CTNNA2: variants seen among roughly 807,000 people sequenced by gnomAD.
The protein encoded by CTNNA2 is catenin alpha-2.
CTNNA2 carries 42 observed loss-of-function variants against 101.0 expected under a neutral mutation model. The observed-to-expected ratio is 0.42, with a 90% confidence interval of 0.32 to 0.54. CTNNA2 has a LOEUF of 0.54. Ranked by LOEUF, CTNNA2 falls within the 20% of genes least tolerant of loss-of-function variation. The pLI is 0.14. For synonymous variants in CTNNA2, 450 were observed against 456.4 expected (o/e 0.99, Z 0.18); for missense variants, 871 against 1,223.1 (o/e 0.71, Z 4.29).
chr2:79,355,650 A>T (rs993147302), intron 3 of CTNNA2, among the ~76,000 whole-genome samples: 1 of 152,156 alleles, frequency 6.6e-6, no homozygotes, highest in Non-Finnish European at 1.5e-5. Context: ...TTCTGTGTTT[A>T]TGGATTTACC....
At chr2:79,335,599 T>A (rs1243426587) in intron 3 of CTNNA2, among the ~76,000 whole-genome samples, 2 of 152,216 alleles carry the variant, frequency 1.3e-5, no homozygotes, top group Non-Finnish European at 2.9e-5. Flanking sequence ...GAAGCACCTG[T>A]AAGACAAAAT....
In CTNNA2 at chr2:79,749,882, TCAATGTGTACTACCTATAG is replaced by T. The variant is rs965493122; in HGVS notation, c.298+5316_298+5334del. Among the ~76,000 whole-genome samples the T allele has an allele frequency of 1.9e-4, 29 of 152,346 alleles. 1 individual carries two copies. Among genetic ancestry groups the T allele is most frequent in the African/African-American group, 6.0e-4 (25 of 41,574 alleles). On this transcript the variant is annotated intron_variant, in intron 3 of 18. Transcript: ENST00000402739. ...GATTTATTAATTATAATTTATTAAA[TCAATGTGTACTACCTATAG>T]CAATGTGTACTACCTTTTGATTAGT... is the stretch of plus-strand genomic sequence containing the variant.
intron 7 of CTNNA2, among the ~76,000 whole-genome samples, chr2:79,965,827 C>CAAAAAAAAAAAAAAAAAAAAAAAGAA (rs1690010557): frequency 1.3e-5 from 1 of 77,996 alleles, no homozygotes; most frequent in Non-Finnish European, 2.4e-5. Flanking sequence ...GAGACTATGT[C>CAAAAAAAAAAAAAAAAAAAAAAAGAA]AAAAAAAAAA....
chr2:80,489,900 C>G (rs865856320), intron 9 of CTNNA2, among the ~76,000 whole-genome samples: 6 of 152,108 alleles, frequency 3.9e-5, no homozygotes, highest in Admixed American at 2.0e-4. Flanking sequence ...TGAGGTCACA[C>G]GGGTCCTGAA....
chr2:79,993,626 A>G (rs1174203751), intron 7 of CTNNA2, among the ~76,000 whole-genome samples: 2 of 152,172 alleles, frequency 1.3e-5, no homozygotes, highest in African/African-American at 2.4e-5. Context: ...TGCTTGAGCA[A>G]GAGTCTACAG....
In CTNNA2 at chr2:79,699,969, A is replaced by G. The variant is rs1378682655; in HGVS notation, c.103-44418A>G. On this transcript the variant is annotated intron_variant, in intron 2 of 18. Transcript: ENST00000402739. ...TCACATATTTTTTATATATAATATA[A>G]TGCATATATATTTTATCCTCGTGAC... Among the ~76,000 whole-genome samples the G allele has an allele frequency of 2.0e-5, 3 of 149,534 alleles. No individual in the cohort carries two copies. In the East Asian group the frequency reaches 5.8e-4, roughly 29 times the overall value.
chr2:79,855,944 A>G (rs1482339668), intron 3 of CTNNA2, among the ~76,000 whole-genome samples: 1 of 152,216 alleles, frequency 6.6e-6, no homozygotes, highest in Non-Finnish European at 1.5e-5. Context: ...CTCCCACCAC[A>G]CAGATATTTG....
chr2:80,250,204 AGTGTGT>A (rs56664173), intron 7 of CTNNA2, among the ~76,000 whole-genome samples: 10 of 96,500 alleles, frequency 1.0e-4, no homozygotes, highest in Non-Finnish European at 1.9e-4. Flanking sequence ...AGAGAGAGAG[AGTGTGT>A]GTGTGTGTGT....
intron 7 of CTNNA2, among the ~76,000 whole-genome samples, chr2:79,952,909 G>A (rs1688982610): frequency 6.6e-6 from 1 of 152,182 alleles, no homozygotes; most frequent in Non-Finnish European, 1.5e-5. Context: ...TATGCGTGAA[G>A]CTATGTTAAC....
At chr2:79,681,064 A>G (rs1350703218) in intron 2 of CTNNA2, among the ~76,000 whole-genome samples, 1 of 152,188 alleles carries the variant, frequency 6.6e-6, no homozygotes, top group Non-Finnish European at 1.5e-5. Context: ...CTGAGGTGGA[A>G]GGCTTAGTTG....
At chr2:79,616,918 T>TTTTTTTTTTTTTTTTC (rs796199835) in intron 1 of CTNNA2, among the ~76,000 whole-genome samples, 3 of 151,398 alleles carry the variant, frequency 2.0e-5, no homozygotes, top group Admixed American at 6.6e-5. Context: ...TCTTTTTTTT[T>TTTTTTTTTTTTTTTTC]CGAGACACAG....
At chr2:79,268,051 A>G (rs1039535359) in intron 2 of CTNNA2, among the ~76,000 whole-genome samples, 1 of 152,146 alleles carries the variant, frequency 6.6e-6, no homozygotes, top group Non-Finnish European at 1.5e-5. Flanking sequence ...CACAAAGGAA[A>G]TAATTAGTGA....
intron 3 of CTNNA2, among the ~76,000 whole-genome samples, chr2:79,760,362 A>G (rs1170313600): frequency 3.3e-5 from 5 of 152,058 alleles, no homozygotes; most frequent in Non-Finnish European, 7.4e-5. Flanking sequence ...AAGAGAACCA[A>G]TAGGTTATAT....
At chr2:80,462,943 C>T (rs1684563438) in intron 9 of CTNNA2, among the ~76,000 whole-genome samples, 1 of 152,056 alleles carries the variant, frequency 6.6e-6, no homozygotes, top group African/African-American at 2.4e-5. Context: ...AACCTCTGCT[C>T]TGAAATCATT....
At position 80,640,712 on chromosome 2, in the gene CTNNA2, C is replaced by T. The variant is rs2149854415; in HGVS notation, c.2575-6873C>T. Among the ~76,000 whole-genome samples the T allele has an allele frequency of 3.9e-5, 6 of 152,280 alleles. 1 individual carries two copies. In the East Asian group the frequency reaches 9.7e-4, roughly 24 times the overall value. Reference sequence around the variant, plus strand: ...GTTCTTCTTGGAGGATAATAGGCTCCAATGCTCTGGGTTTCTAACCTCTAA... The same window carrying T: ...GTTCTTCTTGGAGGATAATAGGCTCTAATGCTCTGGGTTTCTAACCTCTAA... On this transcript the variant is annotated intron_variant, in intron 18 of 18. Coordinates refer to ENST00000402739, the MANE Select transcript of CTNNA2 (RefSeq NM_001282597.3).
intron 8 of CTNNA2, among the ~76,000 whole-genome samples, chr2:80,402,739 T>A (rs1300836682): frequency 6.7e-6 from 1 of 148,518 alleles, no homozygotes; most frequent in African/African-American, 2.4e-5. Context: ...CAAATTTATA[T>A]ATTTCTATAT....
At chr2:79,383,915 A>T (rs1428471930) in intron 4 of CTNNA2, among the ~76,000 whole-genome samples, 1 of 152,200 alleles carries the variant, frequency 6.6e-6, no homozygotes, top group African/African-American at 2.4e-5. Flanking sequence ...AGCAGCAAGG[A>T]ACAACTGTTA....
At chr2:79,415,329 A>G (rs1263623303) in intron 4 of CTNNA2, among the ~76,000 whole-genome samples, 3 of 152,154 alleles carry the variant, frequency 2.0e-5, no homozygotes, top group Non-Finnish European at 4.4e-5. Flanking sequence ...CCTGAGACCC[A>G]TACCAAGAGC....
At chr2:79,730,231 C>G (rs914810306) in intron 2 of CTNNA2, among the ~76,000 whole-genome samples, 4 of 152,010 alleles carry the variant, frequency 2.6e-5, no homozygotes, top group Non-Finnish European at 5.9e-5. Context: ...CTTTTATTTC[C>G]TTGTTCTCAC....
Sources: gnomAD v4.1 joint callset for allele counts (sites outside exome capture counted in the v4.1 genomes callset) on GRCh38, gnomAD v4.1.1 for gene constraint, MANE v1.5 for transcripts, NCBI Gene and HGNC (gene_info 2026-07-23, HGNC 2026-07-21) for gene names.